Variants in NRG1 observed in about 807,000 individuals in gnomAD.
NRG1 encodes neuregulin 1, also known as pro-neuregulin-1, membrane-bound isoform.
NRG1 carries 18 observed loss-of-function variants against 63.8 expected under a neutral mutation model. That is an observed-to-expected ratio of 0.28 (90% CI 0.19 to 0.42). The LOEUF is 0.42. Among genes scored for constraint, NRG1 ranks in the 10% least tolerant of loss-of-function variants. The pLI, the probability that NRG1 is intolerant of heterozygous loss-of-function variation, is 1.00. For missense variants in NRG1, 762 were observed against 814.7 expected (o/e 0.94, Z 0.79); for synonymous variants, 302 against 301.3 (o/e 1.00, Z -0.02).
chr8:32,614,408 A>G, intron 3 of NRG1, 106 bp from the exon 4 acceptor site: 1 of 1,088,448 alleles, frequency 9.2e-7, no homozygotes, highest in South Asian at 1.3e-5. Flanking sequence ...CTCCCTTGCA[A>G]TACTTCCTTC....
intron 1 of NRG1, among the ~76,000 whole-genome samples, chr8:31,893,787 T>C (rs985153208): frequency 2.6e-5 from 4 of 151,990 alleles, no homozygotes; most frequent in Admixed American, 1.3e-4. Context: ...TATAACACTT[T>C]TGGACAGCAT....
chr8:31,903,268 C>T (rs1215411790), intron 1 of NRG1, among the ~76,000 whole-genome samples: 1 of 151,598 alleles, frequency 6.6e-6, no homozygotes, highest in Non-Finnish European at 1.5e-5. Context: ...CCTGCCTCAG[C>T]CTCCCGAGTA....
At chr8:31,788,510 C>T (rs1820392174) in intron 1 of NRG1, among the ~76,000 whole-genome samples, 1 of 152,086 alleles carries the variant, frequency 6.6e-6, no homozygotes, top group African/African-American at 2.4e-5. Context: ...AAGCAAAGAA[C>T]AGTACCCCTC....
At chr8:32,633,261 C>G (rs1483962534) in intron 5 of NRG1, among the ~76,000 whole-genome samples, 2 of 152,116 alleles carry the variant, frequency 1.3e-5, no homozygotes, top group Non-Finnish European at 2.9e-5. Context: ...ACAATCAAGA[C>G]AACAGCTTTA....
intron 1 of NRG1, among the ~76,000 whole-genome samples, chr8:32,533,791 A>G (rs1384800962): frequency 6.6e-6 from 1 of 152,128 alleles, no homozygotes; most frequent in Non-Finnish European, 1.5e-5. Context: ...CAAAGAACTT[A>G]TCACATGTTT....
At chr8:31,823,849 A>G (rs1184130938) in intron 1 of NRG1, among the ~76,000 whole-genome samples, 1 of 152,158 alleles carries the variant, frequency 6.6e-6, no homozygotes. Flanking sequence ...TCAAAATGGG[A>G]ACAGAAGCTT....
chr8:32,331,580 A>T (rs1200334426), intron 1 of NRG1, among the ~76,000 whole-genome samples: 1 of 152,130 alleles, frequency 6.6e-6, no homozygotes, highest in African/African-American at 2.4e-5. Flanking sequence ...TTTAATATGC[A>T]TGAACACATT....
intron 6 of NRG1, among the ~76,000 whole-genome samples, chr8:32,737,231 G>A (rs112085706): frequency 0.01 from 1,548 of 152,248 alleles, 26 homozygotes; most frequent in African/African-American, 0.035. Flanking sequence ...GGGAGACTGT[G>A]AGAAGGATAC....
intron 1 of NRG1, among the ~76,000 whole-genome samples, chr8:32,259,277 C>T (rs1850094513): frequency 6.6e-6 from 1 of 152,210 alleles, no homozygotes. Flanking sequence ...GGGCCTTTAA[C>T]AGGCGATTAG....
At chr8:32,033,228 G>A (rs893632177) in intron 1 of NRG1, among the ~76,000 whole-genome samples, 3 of 151,678 alleles carry the variant, frequency 2.0e-5, no homozygotes, top group Non-Finnish European at 1.5e-5. Context: ...CCGAGTAGAT[G>A]GGACTACAGG....
chr8:32,036,042 C>A (rs1416492177), intron 1 of NRG1, among the ~76,000 whole-genome samples: 3 of 152,096 alleles, frequency 2.0e-5, no homozygotes, highest in Non-Finnish European at 4.4e-5. Context: ...TCTGTGTACT[C>A]CACTGTGTTT....
intron 1 of NRG1, among the ~76,000 whole-genome samples, chr8:32,424,508 G>C (rs1196259343): frequency 1.3e-5 from 2 of 152,190 alleles, no homozygotes; most frequent in African/African-American, 4.8e-5. Flanking sequence ...TTGATACAAA[G>C]TTCATATTCA....
chr8:31,648,962 CTTTTTTTTTTTT>C (rs58167732), intron 1 of NRG1, among the ~76,000 whole-genome samples: 1 of 136,584 alleles, frequency 7.3e-6, no homozygotes, highest in Admixed American at 7.3e-5. Flanking sequence ...TTTTTCTTTT[CTTTTTTTTTTTT>C]TTGAGATGGC....
intron 1 of NRG1, among the ~76,000 whole-genome samples, chr8:32,161,511 T>C (rs1034209513): frequency 6.6e-6 from 1 of 152,010 alleles, no homozygotes; most frequent in African/African-American, 2.4e-5. Flanking sequence ...TATAAAAGTA[T>C]GCAACATAAC....
chr8:31,642,578 C>A (rs1803902083), intron 1 of NRG1, among the ~76,000 whole-genome samples: 1 of 150,668 alleles, frequency 6.6e-6, no homozygotes, highest in African/African-American at 2.5e-5. Context: ...GGGGAAAAAA[C>A]TTCATTGAAG....
intron 5 of NRG1, among the ~76,000 whole-genome samples, chr8:32,659,853 C>G (rs1802440696): frequency 1.3e-5 from 2 of 152,168 alleles, no homozygotes; most frequent in African/African-American, 4.8e-5. Flanking sequence ...CAAACAGTCT[C>G]TCCTCTCCCA....
rs1380985447 is a variant in NRG1, at chr8:32,305,423, C to A, written c.38-290405C>A. On this transcript the variant is annotated intron_variant, in intron 1 of 10. Coordinates refer to the NRG1 transcript ENST00000519301. ...AATGTTGTTCACCAGACGAATTCTT[C>A]AAAAAAAAATACAATCTTCACTTTT... 2.0e-5 allele frequency among the ~76,000 whole-genome samples: 3 copies of A among 150,932 alleles called. No individual in the cohort carries two copies. The East Asian group carries it at 5.8e-4, about 29-fold the overall frequency.
chr8:32,386,500 G>A (rs1169214526), intron 1 of NRG1, among the ~76,000 whole-genome samples: 1 of 152,110 alleles, frequency 6.6e-6, no homozygotes, highest in Admixed American at 6.5e-5. Context: ...TCTTGTTTCA[G>A]TGCTTTTATA....
At chr8:31,705,440 C>A (rs1811058440) in intron 1 of NRG1, among the ~76,000 whole-genome samples, 1 of 152,112 alleles carries the variant, frequency 6.6e-6, no homozygotes, top group Non-Finnish European at 1.5e-5. Context: ...ACTCCCACAC[C>A]CCACACTCCT....
Sources: gnomAD v4.1 joint callset for allele counts (sites outside exome capture counted in the v4.1 genomes callset) on GRCh38, gnomAD v4.1.1 for gene constraint, MANE v1.5 for transcripts, NCBI Gene and HGNC (gene_info 2026-07-23, HGNC 2026-07-21) for gene names.